FBXW10B: variants seen among roughly 807,000 people sequenced by gnomAD.
FBXW10B encodes F-box and WD repeat domain containing 10B.
chr17:15,594,796 C>T, the FBXW10B span: 1 of 1,613,972 alleles, frequency 6.2e-7, no homozygotes, highest in East Asian at 2.2e-5. Flanking sequence ...CCCCACCATG[C>T]TCCAGGCCAT....
chr17:15,569,470 T>C, the FBXW10B span, among the ~76,000 whole-genome samples: 2 of 135,776 alleles, frequency 1.5e-5, no homozygotes, highest in African/African-American at 5.6e-5. Context: ...TTTTTTTTTT[T>C]TTTTTTTTTT....
chr17:15,593,935 C>G, the FBXW10B span, among the ~76,000 whole-genome samples: 1 of 152,006 alleles, frequency 6.6e-6, no homozygotes, highest in African/African-American at 2.4e-5. Flanking sequence ...GGCCTGCTGT[C>G]ATTTTATAAT....
the FBXW10B span, chr17:15,607,715 G>A: frequency 2.5e-6 from 4 of 1,589,550 alleles, no homozygotes; most frequent in Non-Finnish European, 3.4e-6. Context: ...TTAAAGCTCA[G>A]TGGTAACTTC....
the FBXW10B span, among the ~76,000 whole-genome samples, chr17:15,571,171 C>A: frequency 6.6e-5 from 10 of 152,144 alleles, no homozygotes; most frequent in South Asian, 2.1e-3. Context: ...TATAGTGAGA[C>A]CTCATCTTTA....
At chr17:15,615,091 G>A in the FBXW10B span, among the ~76,000 whole-genome samples, 6 of 152,070 alleles carry the variant, frequency 3.9e-5, no homozygotes, top group South Asian at 2.1e-4. Context: ...GCACTGCAGC[G>A]GAGAGGTGCA....
At chr17:15,615,135 A>G in the FBXW10B span, among the ~76,000 whole-genome samples, 1 of 151,482 alleles carries the variant, frequency 6.6e-6, no homozygotes, top group Admixed American at 6.6e-5. Context: ...GATCAATTTA[A>G]TCCTTGCTCC....
chr17:15,582,819 G>A, the FBXW10B span, among the ~76,000 whole-genome samples: 1 of 151,996 alleles, frequency 6.6e-6, no homozygotes, highest in Middle Eastern at 3.2e-3. Context: ...AGTGGGAGAG[G>A]AGGGCCCGCT....
At chr17:15,619,606 C>T in the FBXW10B span, 9 of 1,516,478 alleles carry the variant, frequency 5.9e-6, no homozygotes, top group Middle Eastern at 3.6e-4. Context: ...ATAAATACCC[C>T]AGTTGTGCCT....
chr17:15,585,381 T>C, the FBXW10B span, among the ~76,000 whole-genome samples: 1 of 152,204 alleles, frequency 6.6e-6, no homozygotes, highest in Non-Finnish European at 1.5e-5. Context: ...TCCATCAAGG[T>C]CAAGACACTT....
the FBXW10B span, among the ~76,000 whole-genome samples, chr17:15,590,749 G>A: frequency 6.6e-6 from 1 of 150,992 alleles, no homozygotes; most frequent in Non-Finnish European, 1.5e-5. Context: ...AAGACAGTGT[G>A]GGACTTCCTA....
At chr17:15,615,618 T>G in the FBXW10B span, 1 of 1,613,538 alleles carries the variant, frequency 6.2e-7, no homozygotes. Context: ...TAGCCCATAT[T>G]GGCTTTCTTG....
At chr17:15,596,043 T>C in the FBXW10B span, among the ~76,000 whole-genome samples, 2 of 151,710 alleles carry the variant, frequency 1.3e-5, no homozygotes, top group East Asian at 3.9e-4. Flanking sequence ...CATGCCCGGC[T>C]AATTTTTTGT....
chr17:15,595,136 T>G, the FBXW10B span, among the ~76,000 whole-genome samples: 1 of 152,122 alleles, frequency 6.6e-6, no homozygotes, highest in African/African-American at 2.4e-5. Context: ...GGTCAGGATA[T>G]TGAGACCATC....
At chr17:15,601,897 G>A in the FBXW10B span, among the ~76,000 whole-genome samples, 1 of 152,132 alleles carries the variant, frequency 6.6e-6, no homozygotes, top group Non-Finnish European at 1.5e-5. Flanking sequence ...CAAATCACGA[G>A]GTCAGGAGAT....
the FBXW10B span, chr17:15,571,932 C>T: frequency 5.1e-5 from 7 of 136,608 alleles, no homozygotes; most frequent in Middle Eastern, 3.9e-3. Context: ...AAACTAGGCA[C>T]AGAAGTAAGA....
At chr17:15,571,819 A>G in the FBXW10B span, 1 of 152,270 alleles carries the variant, frequency 6.6e-6, no homozygotes, top group Non-Finnish European at 1.5e-5. Flanking sequence ...TGGTACGTGC[A>G]GTGACACGGG....
the FBXW10B span, among the ~76,000 whole-genome samples, chr17:15,590,229 T>G: frequency 1.1e-4 from 17 of 151,924 alleles, no homozygotes; most frequent in Admixed American, 3.3e-4. Flanking sequence ...AATGAATTGT[T>G]ATTTGTAAGG....
chr17:15,570,737 G>A, the FBXW10B span, among the ~76,000 whole-genome samples: 1 of 152,210 alleles, frequency 6.6e-6, no homozygotes, highest in Non-Finnish European at 1.5e-5. Context: ...TCTAGCAAGG[G>A]TATAGAATAC....
At chr17:15,604,662 G>GC in the FBXW10B span, among the ~76,000 whole-genome samples, 1 of 152,126 alleles carries the variant, frequency 6.6e-6, no homozygotes, top group African/African-American at 2.4e-5. Flanking sequence ...AGCGTCCCGA[G>GC]TAGCTGGGAC....
Sources: gnomAD v4.1 joint callset for allele counts (sites outside exome capture counted in the v4.1 genomes callset) on GRCh38, gnomAD v4.1.1 for gene constraint, MANE v1.5 for transcripts, NCBI Gene and HGNC (gene_info 2026-07-23, HGNC 2026-07-21) for gene names.